ALS2: variants seen among roughly 807,000 people sequenced by gnomAD.
ALS2 encodes alsin Rho guanine nucleotide exchange factor ALS2.
In ALS2, 117 loss-of-function variants were observed where a neutral mutation model predicts 203.4. The observed-to-expected ratio is 0.58, with a 90% CI of 0.50 to 0.67. The LOEUF is 0.67. Among genes scored for constraint, ALS2 ranks in the 30% least tolerant of loss-of-function variants. The probability of loss-of-function intolerance (pLI) is 0.00; values close to 1 mark genes in which losing one functional copy is unlikely to be tolerated. For missense variants in ALS2, 1,715 were observed against 1,989.4 expected (o/e 0.86, Z 2.62); for synonymous variants, 718 against 725.9 (o/e 0.99, Z 0.17).
Position 201,726,666 on chromosome 2 carries a change from G to A in ALS2, c.3180C>T (p.Gly1060=), listed in dbSNP as rs1332533850. Reference sequence around the variant, plus strand: ...GCATAAATCTTCAACATTTTCACCTGCCATGAGGCTTCCCTGAAAGCCAGC... The same window carrying A: ...GCATAAATCTTCAACATTTTCACCTACCATGAGGCTTCCCTGAAAGCCAGC... ...DGRWLSGKPH[G]RGVLKWPDGK... Residue 1060 remains glycine, a splice_region_variant and synonymous_variant, in exon 18 of 34, where the codon GGC becomes GGT. Coordinates refer to ENST00000264276, the MANE Select transcript of ALS2 (RefSeq NM_020919.4). The A allele has an allele frequency of 6.2e-7, 1 of 1,614,084 alleles. No individual in the cohort carries two copies. Among genetic ancestry groups the A allele is most frequent in the Non-Finnish European group, 8.5e-7 (1 of 1,179,966 alleles).
intron 12 of ALS2, among the ~76,000 whole-genome samples, chr2:201,735,481 G>A (rs1691819426): frequency 6.6e-6 from 1 of 152,324 alleles, no homozygotes; most frequent in South Asian, 2.1e-4. Flanking sequence ...AAGTGCTTGT[G>A]CATCATCATC....
At chr2:201,756,003 C>A (rs1165295782) in intron 5 of ALS2, among the ~76,000 whole-genome samples, 1 of 152,092 alleles carries the variant, frequency 6.6e-6, no homozygotes, top group Non-Finnish European at 1.5e-5. Context: ...AATAAACCTA[C>A]TTGAAGATTC....
At chr2:201,713,530 T>A (rs1258485808) in intron 25 of ALS2, among the ~76,000 whole-genome samples, 8 of 152,246 alleles carry the variant, frequency 5.3e-5, no homozygotes, top group Non-Finnish European at 1.2e-4. Flanking sequence ...CTCAGTTGTT[T>A]AGATTTGATA....
chr2:201,720,090 G>A (rs1445832650), intron 23 of ALS2: 4 of 402,844 alleles, frequency 9.9e-6, no homozygotes, highest in Non-Finnish European at 1.9e-5. Context: ...AGGGGAGGAG[G>A]GAACACTTCC....
rs1225366676 is a variant in ALS2, at chr2:201,700,936, G to T, written c.*915C>A. 1.3e-5 allele frequency: 2 copies of T among 152,270 alleles called. No homozygotes were observed. The highest frequency in any genetic ancestry group is 3.8e-4 in the East Asian group (2 of 5,198). The allele number at this position is 152,270 out of a possible 1,614,324, so 9.4% of individuals were successfully genotyped here. A position where few individuals can be genotyped will look rare whatever the true frequency, so the allele number is the denominator to read the frequency against. ...CTTCCCATCCTGAGTTCAGTGTGAA[G>T]TATAGGGAAGAACAACACCAGGCTG... On this transcript the variant is annotated 3_prime_UTR_variant, in exon 34 of 34. Transcript: ENST00000264276.
At chr2:201,720,610 G>A (rs2105992643) in intron 23 of ALS2, among the ~76,000 whole-genome samples, 1 of 151,768 alleles carries the variant, frequency 6.6e-6, no homozygotes, top group East Asian at 1.9e-4. Flanking sequence ...GTTACTTGGG[G>A]GGCTGAGGAG....
Position 201,707,623 on chromosome 2 carries a change from T to C in ALS2, c.4403+246A>G, listed in dbSNP as rs115996502. ...TTTTTTTATTTTTGTAGAGATGGGG[T>C]CTCCCTATCTTGCCCAGGCTGCTCT... is the stretch of plus-strand genomic sequence containing the variant. On this transcript the variant is annotated intron_variant, in intron 28 of 33. Coordinates refer to ENST00000264276, the MANE Select transcript of ALS2 (RefSeq NM_020919.4). Among the ~76,000 whole-genome samples the C allele has an allele frequency of 0.077, 11,718 of 151,566 alleles. 558 individuals carry two copies. The highest frequency in any genetic ancestry group is 0.24 in the East Asian group (1,222 of 5,148).
At position 201,718,185 on chromosome 2, in the gene ALS2, T is replaced by A. The variant is rs962792200; in HGVS notation, c.3728A>T (p.Asp1243Val). Residue 1243 changes from aspartate (D) to valine (V), a missense_variant, in exon 24 of 34, where the codon GAC becomes GTC. Transcript: ENST00000264276. ...TCCACTAAAATAACCTTCAATGTAG[T>A]CTCCATTTGGCATAGTCAGTGTTCC... Reference protein sequence around the residue: ...GKGTLTMPNGDYIEGYFSGEW... With the variant: ...GKGTLTMPNGVYIEGYFSGEW... The A allele has an allele frequency of 3.7e-6, 6 of 1,613,556 alleles. No individual in the cohort carries two copies. Among genetic ancestry groups the A allele is most frequent in the Non-Finnish European group, 5.1e-6 (6 of 1,179,538 alleles).
intron 7 of ALS2, among the ~76,000 whole-genome samples, chr2:201,750,569 C>A (rs1294729743): frequency 1.4e-5 from 2 of 145,212 alleles, no homozygotes; most frequent in African/African-American, 4.9e-5. Flanking sequence ...AACACAAGTA[C>A]CTACACGACA....
chr2:201,756,430 A>C (rs540401047), intron 5 of ALS2, among the ~76,000 whole-genome samples: 9 of 152,270 alleles, frequency 5.9e-5, no homozygotes, highest in Admixed American at 1.3e-4. Context: ...AAGGGGAGAA[A>C]CAGGTGCAGA....
At chr2:201,755,173 T>C (rs1252789538) in intron 5 of ALS2, among the ~76,000 whole-genome samples, 1 of 152,218 alleles carries the variant, frequency 6.6e-6, no homozygotes, top group Admixed American at 6.5e-5. Flanking sequence ...GAAGGATTCC[T>C]TGAGCACAGG....
Position 201,706,854 on chromosome 2 carries a change from C to A in ALS2, c.4572G>T (p.Gly1524=). 6.2e-7 allele frequency: 1 copy of A among 1,613,860 alleles called. No homozygotes were observed. ...GTAACTACTACACTTACCTCTGCAC[C>A]CCAAGAAAGCCCAGGAGAGCAATAT... The part of the protein sequence containing the change: ...QPDIALLGFL[G]VQRKFWPATL... The change falls in exon 29 of 34, where the codon GGG becomes GGT. Residue 1524 remains glycine, a synonymous_variant. Transcript: ENST00000264276.
At chr2:201,766,174 CAAGAGTCTCTGA>C (rs1694067180) in intron 3 of ALS2, among the ~76,000 whole-genome samples, 1 of 152,140 alleles carries the variant, frequency 6.6e-6, no homozygotes, top group Admixed American at 6.5e-5. Context: ...AAAGTTATAG[CAAGAGTCTCTGA>C]ATAGGTAACC....
intron 3 of ALS2, among the ~76,000 whole-genome samples, chr2:201,764,619 G>GCGAGA (rs1260379294): frequency 6.6e-6 from 1 of 150,718 alleles, no homozygotes; most frequent in Non-Finnish European, 1.5e-5. Context: ...GGGCAACAGA[G>GCGAGA]CGAGACTCCG....
At chr2:201,739,874 T>C (rs994430643) in intron 11 of ALS2, among the ~76,000 whole-genome samples, 5 of 152,236 alleles carry the variant, frequency 3.3e-5, no homozygotes, top group African/African-American at 1.2e-4. Flanking sequence ...TATACTGCTT[T>C]GAGCCCTGTA....
chr2:201,715,102 A>G (rs1284216568), intron 25 of ALS2, among the ~76,000 whole-genome samples: 3 of 152,202 alleles, frequency 2.0e-5, no homozygotes, highest in African/African-American at 7.2e-5. Flanking sequence ...CACTCTCTCA[A>G]GAGTTTTGAC....
At chr2:201,720,131 GAT>G (rs760484535) in intron 23 of ALS2, 5 of 438,154 alleles carry the variant, frequency 1.1e-5, no homozygotes, top group South Asian at 8.1e-5. Context: ...GAATTATCCT[GAT>G]ATCAAAGACA....
intron 27 of ALS2, 144 bp downstream of exon 27, chr2:201,709,737 C>A (rs1224223999): frequency 1.0e-6 from 1 of 987,298 alleles, no homozygotes; most frequent in Non-Finnish European, 1.6e-6. Flanking sequence ...ATAGCTTACA[C>A]ATACATTTAA....
At chr2:201,729,232 A>G (rs767962772) in intron 13 of ALS2, 49 bp from the exon 14 acceptor site, 2 of 1,585,772 alleles carry the variant, frequency 1.3e-6, no homozygotes, top group African/African-American at 2.7e-5. Context: ...ACATAAAACC[A>G]TTATGCAGAA....
Sources: gnomAD v4.1 joint callset for allele counts (sites outside exome capture counted in the v4.1 genomes callset) on GRCh38, gnomAD v4.1.1 for gene constraint, MANE v1.5 for transcripts, NCBI Gene and HGNC (gene_info 2026-07-23, HGNC 2026-07-21) for gene names.